WDFY2: variants seen among roughly 807,000 people sequenced by gnomAD.
The protein encoded by WDFY2 is WD repeat and FYVE domain containing 2.
In WDFY2, 36 loss-of-function variants were observed where a neutral mutation model predicts 56.4. The observed-to-expected ratio is 0.64, with a 90% CI of 0.49 to 0.84. The LOEUF (loss-of-function observed/expected upper bound fraction) is 0.84. Among genes scored for constraint, WDFY2 ranks in the 40% least tolerant of loss-of-function variants. The pLI is 0.00. For synonymous variants in WDFY2, 176 were observed against 183.7 expected, an observed-to-expected ratio of 0.96 and a Z score of 0.34; for missense variants, 444 against 512.2, an observed-to-expected ratio of 0.87 and a Z score of 1.29.
intron 3 of WDFY2, among the ~76,000 whole-genome samples, chr13:51,701,722 A>G (rs1252089338): frequency 2.0e-5 from 3 of 152,148 alleles, no homozygotes; most frequent in African/African-American, 7.2e-5. Context: ...TATACCTTAC[A>G]TTGTTTTGAA....
At chr13:51,590,373 A>G (rs527452443) in intron 1 of WDFY2, 108 of 152,378 alleles carry the variant, frequency 7.1e-4, no homozygotes, top group African/African-American at 2.5e-3. Flanking sequence ...CCAAAACTTT[A>G]GAAAAGGAAA....
At chr13:51,615,228 A>T (rs1243671480) in intron 1 of WDFY2, among the ~76,000 whole-genome samples, 1 of 152,200 alleles carries the variant, frequency 6.6e-6, no homozygotes, top group African/African-American at 2.4e-5. Flanking sequence ...TAAAAGCCTC[A>T]AATAATATAA....
chr13:51,630,999 C>T (rs1226046380), intron 1 of WDFY2, among the ~76,000 whole-genome samples: 4 of 151,186 alleles, frequency 2.6e-5, no homozygotes, highest in Non-Finnish European at 4.4e-5. Context: ...AGGCTAGTCT[C>T]GAACTCCTGA....
intron 1 of WDFY2, among the ~76,000 whole-genome samples, chr13:51,595,223 G>T (rs1954123144): frequency 6.6e-6 from 1 of 152,100 alleles, no homozygotes; most frequent in African/African-American, 2.4e-5. Flanking sequence ...GGACAGCAGG[G>T]GCTGTGTCTT....
intron 6 of WDFY2, among the ~76,000 whole-genome samples, chr13:51,729,577 A>AC (rs1468927225): frequency 6.7e-6 from 1 of 150,120 alleles, no homozygotes; most frequent in East Asian, 1.9e-4. Flanking sequence ...CCTCCAGCCC[A>AC]TTCTTCTCTT....
At chr13:51,690,821 A>G (rs1956140253) in intron 3 of WDFY2, among the ~76,000 whole-genome samples, 2 of 152,166 alleles carry the variant, frequency 1.3e-5, no homozygotes, top group Non-Finnish European at 2.9e-5. Flanking sequence ...AACAGTGTAA[A>G]AGTGTTCCTA....
chr13:51,690,648 A>G (rs999823755), intron 3 of WDFY2, among the ~76,000 whole-genome samples: 23 of 152,096 alleles, frequency 1.5e-4, no homozygotes, highest in Non-Finnish European at 2.2e-4. Context: ...TAATGCCGCA[A>G]TAAACATACG....
chr13:51,632,378 T>G (rs973864669), intron 1 of WDFY2, among the ~76,000 whole-genome samples: 7 of 152,182 alleles, frequency 4.6e-5, no homozygotes, highest in African/African-American at 1.7e-4. Flanking sequence ...TTTCTTTACT[T>G]AAATATTATT....
At chr13:51,710,645 C>A (rs933479101) in intron 4 of WDFY2, among the ~76,000 whole-genome samples, 3 of 152,118 alleles carry the variant, frequency 2.0e-5, no homozygotes, top group African/African-American at 7.2e-5. Flanking sequence ...ACACCAATAA[C>A]AGACAAACAG....
chr13:51,694,196 A>G (rs1167959241), intron 3 of WDFY2, among the ~76,000 whole-genome samples: 1 of 152,118 alleles, frequency 6.6e-6, no homozygotes, highest in Non-Finnish European at 1.5e-5. Flanking sequence ...TAAAGTTAAT[A>G]TTTTTATGTG....
chr13:51,712,509 A>C (rs1433693833), intron 4 of WDFY2, among the ~76,000 whole-genome samples: 4 of 152,202 alleles, frequency 2.6e-5, no homozygotes, highest in Non-Finnish European at 5.9e-5. Flanking sequence ...ATTTAAGGAG[A>C]AATTTACAGA....
At chr13:51,596,193 C>T (rs1954140904) in intron 1 of WDFY2, among the ~76,000 whole-genome samples, 1 of 152,204 alleles carries the variant, frequency 6.6e-6, no homozygotes, top group East Asian at 1.9e-4. Flanking sequence ...AATTAATTCT[C>T]TTTACATGTC....
chr13:51,685,257 G>T (rs958028965), intron 3 of WDFY2, among the ~76,000 whole-genome samples: 2 of 152,132 alleles, frequency 1.3e-5, no homozygotes, highest in Non-Finnish European at 2.9e-5. Flanking sequence ...TTCTACTTTA[G>T]TATTTGTGTA....
intron 1 of WDFY2, among the ~76,000 whole-genome samples, chr13:51,604,750 A>G (rs1188742483): frequency 6.6e-6 from 1 of 152,220 alleles, no homozygotes; most frequent in Non-Finnish European, 1.5e-5. Flanking sequence ...TCATCATCAC[A>G]GGAAGTTCCA....
intron 1 of WDFY2, among the ~76,000 whole-genome samples, chr13:51,608,256 A>G (rs763794574): frequency 5.9e-5 from 9 of 152,246 alleles, no homozygotes; most frequent in South Asian, 4.1e-4. Flanking sequence ...AAAGAAATAC[A>G]TGGTTATTGG....
chr13:51,665,014 G>A lies in WDFY2; in HGVS notation c.205+4351G>A, dbSNP rs567669865. 2.0e-5 allele frequency among the ~76,000 whole-genome samples: 3 copies of A among 152,160 alleles called. No individual in the cohort carries two copies. In the South Asian group the frequency reaches 6.2e-4, roughly 32 times the overall value. On this transcript the variant is annotated intron_variant, in intron 2 of 11. Coordinates refer to ENST00000298125, the MANE Select transcript of WDFY2 (RefSeq NM_052950.4). ...TCTTTGCAGTGTTTACAGTCTGGTGGGGAAGGCAGACATTACATGAATACC... is the reference window on the plus strand; with the variant it reads ...TCTTTGCAGTGTTTACAGTCTGGTGAGGAAGGCAGACATTACATGAATACC...
intron 1 of WDFY2, among the ~76,000 whole-genome samples, chr13:51,636,707 C>T (rs1404005839): frequency 6.6e-6 from 1 of 152,166 alleles, no homozygotes; most frequent in Non-Finnish European, 1.5e-5. Flanking sequence ...GGATCATGAT[C>T]CATCTAGATA....
intron 3 of WDFY2, among the ~76,000 whole-genome samples, chr13:51,698,385 A>G (rs1038587801): frequency 2.0e-5 from 3 of 152,230 alleles, no homozygotes; most frequent in South Asian, 2.1e-4. Context: ...ACAATAATCA[A>G]TTACTTTTAT....
intron 6 of WDFY2, among the ~76,000 whole-genome samples, chr13:51,736,963 ATT>A (rs1354180808): frequency 6.6e-6 from 1 of 152,162 alleles, no homozygotes; most frequent in Non-Finnish European, 1.5e-5. Context: ...CTTTCTAATC[ATT>A]CTTTTTACCA....
Sources: gnomAD v4.1 joint callset for allele counts (sites outside exome capture counted in the v4.1 genomes callset) on GRCh38, gnomAD v4.1.1 for gene constraint, MANE v1.5 for transcripts, NCBI Gene and HGNC (gene_info 2026-07-23, HGNC 2026-07-21) for gene names.